Variants in DCC observed in about 807,000 individuals in gnomAD.
DCC encodes the protein DCC netrin 1 receptor.
In DCC, 58 loss-of-function variants were observed where a neutral mutation model predicts 172.5. The observed-to-expected ratio is 0.34, with a 90% CI of 0.27 to 0.42. The LOEUF is 0.42. Among genes scored for constraint, DCC ranks in the 10% least tolerant of loss-of-function variants. The pLI is 1.00. For missense variants in DCC, 1,740 were observed against 1,791.0 expected, an observed-to-expected ratio of 0.97 and a Z score of 0.51; for synonymous variants, 709 against 644.5, an observed-to-expected ratio of 1.10 and a Z score of -1.52.
chr18:53,457,652 C>G (rs994184623), intron 23 of DCC, among the ~76,000 whole-genome samples: 1 of 152,038 alleles, frequency 6.6e-6, no homozygotes, highest in African/African-American at 2.4e-5. Context: ...GATCAGTTTG[C>G]CGTGGGCAAG....
intron 1 of DCC, among the ~76,000 whole-genome samples, chr18:52,519,670 G>C (rs2031748278): frequency 6.6e-6 from 1 of 152,110 alleles, no homozygotes. Context: ...GGTTTTTGCA[G>C]GTTTATAAAG....
chr18:53,049,031 G>T (rs1953663925), intron 5 of DCC, among the ~76,000 whole-genome samples: 2 of 151,822 alleles, frequency 1.3e-5, no homozygotes, highest in African/African-American at 4.8e-5. Context: ...TAATGGGGTT[G>T]TTTAGTATTT....
In DCC at chr18:52,906,105, A is replaced by G. The variant is rs764397697; in HGVS notation, c.474A>G (p.Leu158=). 1 of 1,613,120 alleles carries G rather than the reference A, an allele frequency of 6.2e-7. No individual in the cohort carries two copies. Among genetic ancestry groups the G allele is most frequent in the South Asian group, 1.1e-5 (1 of 91,066 alleles). ...CAGCCTTCATGGGAGACACAGTGCT[A>G]CTCAAGTGTGAAGTCATTGGGGAGC... The part of the protein sequence containing the change: ...SVTAFMGDTV[L]LKCEVIGEPM... The change falls in exon 3 of 29, where the codon CTA becomes CTG. Residue 158 remains leucine, a synonymous_variant. Coordinates refer to ENST00000442544, the MANE Select transcript of DCC (RefSeq NM_005215.4).
intron 1 of DCC, among the ~76,000 whole-genome samples, chr18:52,684,403 T>C (rs917147563): frequency 2.0e-5 from 3 of 151,616 alleles, no homozygotes; most frequent in African/African-American, 7.3e-5. Context: ...TTTTTCTGAA[T>C]AGTTGCTTCC....
intron 1 of DCC, among the ~76,000 whole-genome samples, chr18:52,612,004 A>G (rs1159303819): frequency 6.6e-6 from 1 of 152,138 alleles, no homozygotes; most frequent in Non-Finnish European, 1.5e-5. Context: ...AAATAAGTAT[A>G]TGCTTTTCCC....
intron 2 of DCC, among the ~76,000 whole-genome samples, chr18:52,836,975 A>C (rs576487681): frequency 6.6e-6 from 1 of 152,172 alleles, no homozygotes; most frequent in Non-Finnish European, 1.5e-5. Context: ...CCAAACCTCA[A>C]TTCTTGACTT....
At chr18:52,930,086 C>A (rs1022659438) in intron 5 of DCC, among the ~76,000 whole-genome samples, 2 of 151,868 alleles carry the variant, frequency 1.3e-5, no homozygotes, top group Admixed American at 1.3e-4. Flanking sequence ...TATCTTGGAC[C>A]AAATTTGGCT....
At chr18:53,492,819 C>T (rs1322474879) in intron 26 of DCC, among the ~76,000 whole-genome samples, 1 of 152,088 alleles carries the variant, frequency 6.6e-6, no homozygotes, top group Non-Finnish European at 1.5e-5. Flanking sequence ...TTTTCTCGTT[C>T]CATATGAAAT....
chr18:53,433,202 A>G (rs1186793276), intron 21 of DCC, among the ~76,000 whole-genome samples: 2 of 152,138 alleles, frequency 1.3e-5, no homozygotes, highest in African/African-American at 2.4e-5. Context: ...CCTATACGGC[A>G]TCTGATTTCT....
At chr18:53,192,841 G>T (rs116783552) in intron 9 of DCC, among the ~76,000 whole-genome samples, 1 of 152,104 alleles carries the variant, frequency 6.6e-6, no homozygotes. Flanking sequence ...CCACCTACAC[G>T]CATGCCCAGT....
intron 25 of DCC, among the ~76,000 whole-genome samples, chr18:53,480,414 C>A (rs1289806092): frequency 1.3e-5 from 2 of 152,274 alleles, no homozygotes; most frequent in East Asian, 3.9e-4. Context: ...AGAACTTGAA[C>A]TAGAAATTAT....
intron 12 of DCC, among the ~76,000 whole-genome samples, chr18:53,256,042 C>T (rs1249589871): frequency 1.3e-5 from 2 of 152,042 alleles, no homozygotes; most frequent in African/African-American, 2.4e-5. Flanking sequence ...TGTCCTTCAC[C>T]CACTTTTTGA....
intron 20 of DCC, among the ~76,000 whole-genome samples, chr18:53,414,142 A>C (rs2053496059): frequency 6.6e-6 from 1 of 152,210 alleles, no homozygotes. Flanking sequence ...ACCTTTAAAA[A>C]TGTTTGTTAA....
Position 52,785,967 on chromosome 18 carries a change from GATA to G in DCC, c.412+33599_412+33601del, listed in dbSNP as rs961093270. Among the ~76,000 whole-genome samples the G allele has an allele frequency of 2.5e-4, 38 of 152,070 alleles. 1 individual carries two copies. The highest frequency in any genetic ancestry group is 1.8e-3 in the Admixed American group (28 of 15,250). On this transcript the variant is annotated intron_variant, in intron 2 of 28. Coordinates refer to ENST00000442544, the MANE Select transcript of DCC (RefSeq NM_005215.4). ...GTGAAACTATTATCCCTGCTATAAG[GATA>G]ATAATTAAGCAAAATACTACAGCAA... is the stretch of plus-strand genomic sequence containing the variant.
At chr18:53,142,673 C>A (rs897713006) in intron 7 of DCC, among the ~76,000 whole-genome samples, 7 of 152,128 alleles carry the variant, frequency 4.6e-5, no homozygotes, top group African/African-American at 1.4e-4. Context: ...CTCCTATATA[C>A]CCTTTACCCA....
At chr18:53,281,379 G>C (rs1192216532) in intron 12 of DCC, among the ~76,000 whole-genome samples, 2 of 151,998 alleles carry the variant, frequency 1.3e-5, no homozygotes, top group African/African-American at 4.8e-5. Flanking sequence ...GACTATATAA[G>C]GTCAACACAC....
intron 1 of DCC, among the ~76,000 whole-genome samples, chr18:52,343,724 T>C (rs1195079570): frequency 6.6e-6 from 1 of 152,230 alleles, no homozygotes; most frequent in Admixed American, 6.5e-5. Context: ...CATGTTTGGG[T>C]TCCATTGCAT....
At chr18:52,427,835 T>TCTTCCTTCCTTTCTTCCTTCCTTC (rs1481412682) in intron 1 of DCC, among the ~76,000 whole-genome samples, 5 of 46,062 alleles carry the variant, frequency 1.1e-4, no homozygotes, top group African/African-American at 3.0e-4. Flanking sequence ...TTCCTTCCTT[T>TCTTCCTTCCTTTCTTCCTTCCTTC]CTTCCTTCCT....
chr18:52,958,647 AG>A (rs2040787059), intron 5 of DCC, among the ~76,000 whole-genome samples: 1 of 152,140 alleles, frequency 6.6e-6, no homozygotes, highest in Non-Finnish European at 1.5e-5. Context: ...AGAGACAGAA[AG>A]ATCAGGACTT....
Sources: gnomAD v4.1 joint callset for allele counts (sites outside exome capture counted in the v4.1 genomes callset) on GRCh38, gnomAD v4.1.1 for gene constraint, MANE v1.5 for transcripts, NCBI Gene and HGNC (gene_info 2026-07-23, HGNC 2026-07-21) for gene names.